CDC42BPG: variants seen among roughly 807,000 people sequenced by gnomAD.
CDC42BPG encodes serine/threonine-protein kinase MRCK gamma.
A neutral mutation model predicts 192.2 loss-of-function variants in CDC42BPG; 157 were observed. The observed-to-expected ratio is 0.82, with a 90% confidence interval of 0.72 to 0.93. CDC42BPG has a LOEUF of 0.93. Among genes scored for constraint, CDC42BPG ranks in the 40% least tolerant of loss-of-function variants. CDC42BPG has a pLI of 0.00. For synonymous variants in CDC42BPG, 981 were observed against 918.5 expected, an observed-to-expected ratio of 1.07 and a Z score of -1.23; for missense variants, 1,992 against 2,122.1, an observed-to-expected ratio of 0.94 and a Z score of 1.20.
At chr11:64,828,552 C>T (rs1279880257) in intron 30 of CDC42BPG, among the ~76,000 whole-genome samples, 1 of 152,186 alleles carries the variant, frequency 6.6e-6, no homozygotes, top group Non-Finnish European at 1.5e-5. Context: ...GCAATCGCAG[C>T]GGTTATCTTT....
chr11:64,835,685 C>A (rs778582189), intron 14 of CDC42BPG, 64 bp from the exon 15 acceptor site: 1 of 1,595,320 alleles, frequency 6.3e-7, no homozygotes, highest in East Asian at 2.2e-5. Context: ...ACCTGGGACA[C>A]AGGCCTGGCC....
chr11:64,826,352 C>G, intron 36 of CDC42BPG, 118 bp downstream of exon 36: 1 of 720,180 alleles, frequency 1.4e-6, no homozygotes, highest in South Asian at 1.6e-5. Flanking sequence ...CTCGTAGAAT[C>G]GAGGGCAGGG....
At chr11:64,838,232 C>G in intron 8 of CDC42BPG, 70 bp from the exon 9 acceptor site, 2 of 1,302,790 alleles carry the variant, frequency 1.5e-6, no homozygotes, top group Non-Finnish European at 2.1e-6. Flanking sequence ...CCAGGAGCCC[C>G]CTGGGACCAG....
intron 8 of CDC42BPG, 71 bp from the exon 9 acceptor site, chr11:64,838,233 C>T (rs1943111856): frequency 7.7e-7 from 1 of 1,296,598 alleles, no homozygotes; most frequent in Middle Eastern, 2.6e-4. Flanking sequence ...CAGGAGCCCC[C>T]TGGGACCAGG....
rs1191806252 is a variant in CDC42BPG, at chr11:64,826,749, G to A, written c.4435C>T (p.Arg1479Trp). 4 of 1,539,050 alleles carry A rather than the reference G, an allele frequency of 2.6e-6. No individual in the cohort carries two copies. Among genetic ancestry groups the A allele is most frequent in the Admixed American group, 2.1e-5 (1 of 47,798 alleles). ...GRVARGSGPQ[R>W]PHSFSEALRR... is the part of the protein sequence containing the mutation. ...AACGCCTCGGAGAAGCTGTGGGGCC[G>A]CTGTGGGCCGGAGCCGCGGGCAACT... is the stretch of plus-strand genomic sequence containing the variant. The change falls in exon 35 of 37, where the codon CGG (arginine) becomes TGG (tryptophan). Residue 1479 changes from arginine to tryptophan, a missense_variant. By Grantham distance (101) the Arg-to-Trp change is moderately radical. Coordinates refer to ENST00000342711, the MANE Select transcript of CDC42BPG (RefSeq NM_017525.3).
chr11:64,824,499 AT>A lies in CDC42BPG; in HGVS notation c.4629del (p.Ser1544ProfsTer13). On this transcript the variant is annotated frameshift_variant, in exon 37 of 37. Transcript: ENST00000342711. LOFTEE classifies it high-confidence loss of function. ...QVSERPRSLP[L>X]SPELESSP The stretch of plus-strand genomic sequence containing the variant: ...CAAGGAGAGCTCTCCAATTCAGGGG[AT>A]AGGGGGAGGCTTCGGGGCCGTTCTG... 2 of 1,608,434 alleles carry A rather than the reference AT, an allele frequency of 1.2e-6. No homozygotes were observed. Among genetic ancestry groups the A allele is most frequent in the Non-Finnish European group, 1.7e-6 (2 of 1,174,778 alleles).
At chr11:64,829,163 T>A (rs1432091253) in intron 30 of CDC42BPG, among the ~76,000 whole-genome samples, 1 of 151,928 alleles carries the variant, frequency 6.6e-6, no homozygotes, top group African/African-American at 2.4e-5. Context: ...GAGGTGGCAG[T>A]GAGTCGAGAT....
chr11:64,836,711 G>GC (rs777365774), intron 11 of CDC42BPG, 28 bp downstream of exon 11: 21 of 608,632 alleles, frequency 3.5e-5, no homozygotes, highest in South Asian at 4.6e-5. Flanking sequence ...AGCCCTGGGG[G>GC]GGGGGGGGGG....
intron 36 of CDC42BPG, among the ~76,000 whole-genome samples, chr11:64,825,417 C>G (rs1373878889): frequency 6.6e-6 from 1 of 152,102 alleles, no homozygotes; most frequent in African/African-American, 2.4e-5. Flanking sequence ...GGCACCAGCC[C>G]CAGGGAGGCA....
In CDC42BPG at chr11:64,823,089, CTTTT is replaced by C. The variant is rs67018116; in HGVS notation, c.*1380_*1383del. ...GTCTTTATTGGTTTCCTTTTCTTTT[CTTTT>C]TTTTTTTTTTTGAGACGGAGTCTCA... On this transcript the variant is annotated 3_prime_UTR_variant, in exon 37 of 37. Transcript: ENST00000342711. 1.0e-4 allele frequency among the ~76,000 whole-genome samples: 14 copies of C among 137,716 alleles called. No homozygotes were observed. Among genetic ancestry groups the C allele is most frequent in the Middle Eastern group, 3.5e-3 (1 of 288 alleles). 90.3% of individuals were successfully genotyped at this position (137,716 alleles called of 152,430 possible).
chr11:64,834,052 C>T, intron 20 of CDC42BPG, 75 bp from the exon 21 acceptor site: 2 of 1,592,852 alleles, frequency 1.3e-6, no homozygotes, highest in South Asian at 2.2e-5. Flanking sequence ...GCCTCAGTTC[C>T]CACCTCAGTA....
Position 64,836,993 on chromosome 11 carries a change from G to C in CDC42BPG, c.1232C>G (p.Ala411Gly), listed in dbSNP as rs901505685. Residue 411 changes from alanine to glycine, a missense_variant, in exon 10 of 37, where the codon GCT (alanine) becomes GGT (glycine). By Grantham distance (60) the Ala-to-Gly change is moderately conservative. This residue lies in a region of CDC42BPG where 1,656 missense variants were observed against 1,844.3 expected (regional missense o/e 0.90). Coordinates refer to ENST00000342711, the MANE Select transcript of CDC42BPG (RefSeq NM_017525.3). ...GSHSPESSSE[A>G]WAALERKLQC... Reference sequence around the variant, plus strand: ...GAGCTTCCGCTCCAGGGCAGCCCAAGCCTCAGAGCTGCTCTCAGGACTGTG... The same window carrying C: ...GAGCTTCCGCTCCAGGGCAGCCCAACCCTCAGAGCTGCTCTCAGGACTGTG... 4 of 1,613,436 alleles carry C rather than the reference G, an allele frequency of 2.5e-6. No individual in the cohort carries two copies. In the African/African-American group the frequency reaches 5.3e-5, roughly 22 times the overall value.
At chr11:64,841,107 C>T (rs1022788118) in intron 3 of CDC42BPG, among the ~76,000 whole-genome samples, 10 of 149,068 alleles carry the variant, frequency 6.7e-5, no homozygotes, top group Non-Finnish European at 1.3e-4. Context: ...GCCGAGATCA[C>T]GCCACCGCAC....
chr11:64,830,069 G>A lies in CDC42BPG; in HGVS notation c.3369C>T (p.Asp1123=). 6.2e-7 allele frequency: 1 copy of A among 1,612,578 alleles called. No homozygotes were observed. Among genetic ancestry groups the A allele is most frequent in the Non-Finnish European group, 8.5e-7 (1 of 1,179,408 alleles). The part of the protein sequence containing the change: ...GLFVIHLRSN[D]IFQVGECRRV... ...GCCGGCACTCCCCCACCTGGAAGAT[G>A]TCTGCAGGGTTGGCGAGGGGAGAGT... The change falls in exon 30 of 37, where the codon GAC becomes GAT. Residue 1123 remains aspartate, a splice_region_variant and synonymous_variant. Coordinates refer to ENST00000342711, the MANE Select transcript of CDC42BPG (RefSeq NM_017525.3).
At chr11:64,835,018 C>CCCCACCCCGA in intron 17 of CDC42BPG, 29 bp downstream of exon 17, 1 of 703,626 alleles carries the variant, frequency 1.4e-6, no homozygotes, top group Non-Finnish European at 2.4e-6. Flanking sequence ...CGCCTGCGTT[C>CCCCACCCCGA]CCCACCCCGA....
chr11:64,832,865 G>A lies in CDC42BPG; in HGVS notation c.2826C>T (p.Pro942=), dbSNP rs745747629. The change falls in exon 25 of 37, where the codon CCC becomes CCT. Residue 942 remains proline, a synonymous_variant. Coordinates refer to ENST00000342711, the MANE Select transcript of CDC42BPG (RefSeq NM_017525.3). Reference sequence around the variant, plus strand: ...CATAGGCAGTGCCTGTGCCTGTTTCGGGGTGTACTCCCAGGGCTGTGCGGA... The same window carrying A: ...CATAGGCAGTGCCTGTGCCTGTTTCAGGGTGTACTCCCAGGGCTGTGCGGA... ...DLLRTALGVH[P]ETGTGTAYEG... The A allele has an allele frequency of 1.4e-5, 22 of 1,568,860 alleles. No individual in the cohort carries two copies. The African/African-American group carries it at 2.0e-4, about 15-fold the overall frequency.
intron 9 of CDC42BPG, 64 bp downstream of exon 9, chr11:64,838,019 G>C: frequency 7.2e-7 from 1 of 1,393,480 alleles, no homozygotes. Flanking sequence ...TGGGCTACGC[G>C]CCCAGTGTCC....
Position 64,836,106 on chromosome 11 carries a change from T to G in CDC42BPG, c.1668+11A>C. On this transcript the variant is annotated intron_variant, in intron 13 of 36. Coordinates refer to ENST00000342711, the MANE Select transcript of CDC42BPG (RefSeq NM_017525.3). ...GCCCAGGTGCTGTCCCTACCCACCC[T>G]GGTCACTCACCTCCCTCTGGGCAGC... 1 of 1,593,398 alleles carries G rather than the reference T, an allele frequency of 6.3e-7. No homozygotes were observed. The highest frequency in any genetic ancestry group is 8.5e-7 in the Non-Finnish European group (1 of 1,172,000).
intron 3 of CDC42BPG, 131 bp from the exon 4 acceptor site, chr11:64,840,779 C>G (rs1358604561): frequency 1.3e-6 from 1 of 765,452 alleles, no homozygotes; most frequent in Non-Finnish European, 2.2e-6. Flanking sequence ...TCTACTGTCC[C>G]CTGTCTGGCT....
Sources: gnomAD v4.1 joint callset for allele counts (sites outside exome capture counted in the v4.1 genomes callset) on GRCh38, gnomAD v4.1.1 for gene constraint, gnomAD v4.1.1 regional missense constraint, MANE v1.5 for transcripts, NCBI Gene and HGNC (gene_info 2026-07-23, HGNC 2026-07-21) for gene names.